Variants in IL13RA1 observed in about 807,000 individuals in gnomAD.
IL13RA1 encodes the protein interleukin 13 receptor subunit alpha 1.
Under a neutral mutation model 33.8 loss-of-function variants are expected in IL13RA1, and 14 were observed. That is an observed-to-expected ratio of 0.41 (90% CI 0.27 to 0.65). The LOEUF (loss-of-function observed/expected upper bound fraction) is 0.65. IL13RA1 is among the 30% of genes least tolerant of loss of function. The probability of loss-of-function intolerance (pLI) is 0.28; values close to 1 mark genes in which losing one functional copy is unlikely to be tolerated. For missense variants in IL13RA1, 313 were observed against 327.0 expected (o/e 0.96, Z 0.33); for synonymous variants, 116 against 115.7 (o/e 1.00, Z -0.02).
downstream of IL13RA1, among the ~76,000 whole-genome samples, chrX:118,799,303 G>A (rs756464065): frequency 9.7e-5 from 11 of 113,140 alleles, no homozygotes; most frequent in South Asian, 3.2e-3. Context: ...GCTCCACGGC[G>A]CCCAGTCCCA....
Position 118,746,735 on chromosome X carries a change from A to G in IL13RA1, c.229-219A>G, listed in dbSNP as rs190830288. 4.4e-3 allele frequency among the ~76,000 whole-genome samples: 474 copies of G among 108,843 alleles called. 2 individuals carry two copies. The highest frequency in any genetic ancestry group is 7.5e-3 in the Non-Finnish European group (391 of 52,434). The allele number at this position is 108,843 out of a possible 115,157, so 94.5% of individuals were successfully genotyped here. A position where few individuals can be genotyped will look rare whatever the true frequency, so the allele number is the denominator to read the frequency against. On this transcript the variant is annotated intron_variant, in intron 2 of 10. Transcript: ENST00000371666. ...GACCTCTACTTACTAGATGCTGGTA[A>G]CCTCCCCCTCCCAAGTTAGGACAAT...
the IL13RA1 span, among the ~76,000 whole-genome samples, chrX:118,803,494 A>C: frequency 8.9e-6 from 1 of 112,214 alleles, no homozygotes; most frequent in Non-Finnish European, 1.9e-5. Context: ...TTTTTGTTTT[A>C]AAAAACTGCA....
intron 8 of IL13RA1, chrX:118,769,995 GCGACC>G (rs2017694337): frequency 1.4e-5 from 3 of 214,017 alleles, no homozygotes; most frequent in Non-Finnish European, 2.6e-5. Context: ...AACTACACCG[GCGACC>G]CGGGCACCAG....
chrX:118,732,202 C>T (rs1244583255), intron 1 of IL13RA1, among the ~76,000 whole-genome samples: 3 of 110,703 alleles, frequency 2.7e-5, no homozygotes, highest in East Asian at 5.7e-4. Context: ...TAAACAATAA[C>T]TCCTCATTTT....
chrX:118,782,635 T>C (rs1163965135), intron 10 of IL13RA1, among the ~76,000 whole-genome samples: 1 of 110,402 alleles, frequency 9.1e-6, no homozygotes, highest in Admixed American at 9.7e-5. Flanking sequence ...TCTCACTGTG[T>C]TGCCCAGGCT....
At chrX:118,735,098 C>A (rs945808972) in intron 1 of IL13RA1, among the ~76,000 whole-genome samples, 4 of 109,720 alleles carry the variant, frequency 3.6e-5, no homozygotes, top group Non-Finnish European at 5.7e-5. Flanking sequence ...CTCTTATAAC[C>A]CTTTTTATTT....
chrX:118,730,626 G>A (rs1246887813), intron 1 of IL13RA1, among the ~76,000 whole-genome samples: 1 of 111,701 alleles, frequency 9.0e-6, no homozygotes, highest in East Asian at 2.8e-4. Flanking sequence ...GCCCTTGAAA[G>A]CTCTGAGTCC....
chrX:118,747,321 A>C lies in IL13RA1; in HGVS notation c.367+229A>C, dbSNP rs757123527. The stretch of plus-strand genomic sequence containing the variant: ...AATGCCTAATAGTTATATAAAATTT[A>C]ATAATTTAAAAAATGATATACACAT... On this transcript the variant is annotated intron_variant, in intron 3 of 10. Transcript: ENST00000371666. 6.3e-5 allele frequency among the ~76,000 whole-genome samples: 7 copies of C among 111,062 alleles called. No individual in the cohort carries two copies. In the East Asian group the frequency reaches 1.1e-3, roughly 18 times the overall value.
At chrX:118,727,794 G>T in intron 1 of IL13RA1, 68 bp downstream of exon 1, 1 of 492,642 alleles carries the variant, frequency 2.0e-6, no homozygotes, top group South Asian at 1.1e-4. Context: ...ACGGCTGAAA[G>T]GCCCCGGAGG....
At chrX:118,751,550 G>A (rs1329196778) in intron 4 of IL13RA1, among the ~76,000 whole-genome samples, 1 of 110,957 alleles carries the variant, frequency 9.0e-6, no homozygotes, top group Non-Finnish European at 1.9e-5. Context: ...ATGGAGAGGG[G>A]ACTGAGAGGC....
chrX:118,738,837 G>A (rs1477022722), intron 1 of IL13RA1, among the ~76,000 whole-genome samples: 1 of 100,391 alleles, frequency 1.0e-5, no homozygotes, highest in Non-Finnish European at 2.0e-5. Flanking sequence ...GCCCAGGCTG[G>A]GGTGCAGTGG....
rs2017416618 is a variant in IL13RA1, at chrX:118,747,307, G to A, written c.367+215G>A. On this transcript the variant is annotated intron_variant, in intron 3 of 10. Coordinates refer to ENST00000371666, the MANE Select transcript of IL13RA1 (RefSeq NM_001560.3). ...ACAACTTGAATAACAATGCCTAATA[G>A]TTATATAAAATTTAATAATTTAAAA... Among the ~76,000 whole-genome samples the A allele has an allele frequency of 3.6e-5, 4 of 110,871 alleles. No individual in the cohort carries two copies. The Admixed American group carries it at 3.9e-4, about 11-fold the overall frequency.
At chrX:118,746,702 G>T (rs1421316824) in intron 2 of IL13RA1, among the ~76,000 whole-genome samples, 2 of 110,072 alleles carry the variant, frequency 1.8e-5, no homozygotes, top group African/African-American at 6.6e-5. Flanking sequence ...ATGTTTAGCA[G>T]CGTCCTTGAC....
At chrX:118,748,233 C>A (rs1461298734) in intron 3 of IL13RA1, among the ~76,000 whole-genome samples, 5 of 103,586 alleles carry the variant, frequency 4.8e-5, no homozygotes, top group African/African-American at 1.8e-4. Context: ...TGCTCTAAGC[C>A]ATTCCATTTA....
chrX:118,745,900 A>G (rs1472913223), intron 2 of IL13RA1, among the ~76,000 whole-genome samples: 2 of 111,686 alleles, frequency 1.8e-5, no homozygotes, highest in African/African-American at 6.5e-5. Flanking sequence ...CAGACTGGTG[A>G]TTTATGTCTC....
At chrX:118,747,349 A>ACG (rs1187974069) in intron 3 of IL13RA1, among the ~76,000 whole-genome samples, 1 of 110,160 alleles carries the variant, frequency 9.1e-6, no homozygotes, top group African/African-American at 3.3e-5. Flanking sequence ...ATACACATGC[A>ACG]CGCGCGCGCA....
At chrX:118,754,937 CT>C (rs66888164) in intron 4 of IL13RA1, among the ~76,000 whole-genome samples, 4,898 of 92,650 alleles carry the variant, frequency 0.053, 388 homozygotes, top group African/African-American at 0.18. Flanking sequence ...CGGAGTCTTT[CT>C]TTTTTTTTTT....
chrX:118,751,498 G>A (rs1252008781), intron 4 of IL13RA1, among the ~76,000 whole-genome samples: 1 of 111,491 alleles, frequency 9.0e-6, no homozygotes, highest in Admixed American at 9.6e-5. Context: ...GGGAAGTTAG[G>A]TTGGAGCTTG....
At chrX:118,804,203 T>G in the IL13RA1 span, among the ~76,000 whole-genome samples, 1 of 110,264 alleles carries the variant, frequency 9.1e-6, no homozygotes, top group Non-Finnish European at 1.9e-5. Context: ...GTGATCCACT[T>G]GCATCAGCCT....
Sources: gnomAD v4.1 joint callset for allele counts (sites outside exome capture counted in the v4.1 genomes callset) on GRCh38, gnomAD v4.1.1 for gene constraint, MANE v1.5 for transcripts, NCBI Gene and HGNC (gene_info 2026-07-23, HGNC 2026-07-21) for gene names.